Variants in CACNA1H observed in about 807,000 individuals in gnomAD.
CACNA1H encodes the protein calcium voltage-gated channel subunit alpha1 H.
In CACNA1H, 149 loss-of-function variants were observed where a neutral mutation model predicts 192.5. The ratio of observed to expected loss-of-function variants is 0.77; its 90% CI spans 0.68 to 0.89. The LOEUF is 0.89. Ranked by LOEUF, CACNA1H falls within the 40% of genes least tolerant of loss-of-function variation. The probability of loss-of-function intolerance (pLI) is 0.00; values close to 1 mark genes in which losing one functional copy is unlikely to be tolerated. For synonymous variants in CACNA1H, 2,202 were observed against 1,475.2 expected, an observed-to-expected ratio of 1.49 and a Z score of -11.29; for missense variants, 4,257 against 3,423.5, an observed-to-expected ratio of 1.24 and a Z score of -6.08.
At chr16:1,208,943 T>G (rs1375733699) in intron 16 of CACNA1H, 89 bp from the exon 17 acceptor site, 1 of 1,286,148 alleles carries the variant, frequency 7.8e-7, no homozygotes, top group Admixed American at 3.4e-5. Context: ...ATGATCCACG[T>G]GTGGCTTGCA....
rs1365327296 is a variant in CACNA1H at position 1,210,885 on chromosome 16, T to C, written c.4137T>C (p.Ile1379=). The change falls in exon 21 of 35, where the codon ATT becomes ATC. Residue 1379 remains isoleucine (I), a synonymous_variant. Coordinates refer to ENST00000348261, the MANE Select transcript of CACNA1H (RefSeq NM_021098.3). ...GLLVLVSLVD[I]VVAMASAGGA... The stretch of plus-strand genomic sequence containing the variant: ...TGGTGCTGGTGTCCCTGGTGGACAT[T>C]GTCGTGGCCATGGCCTCGGCTGGTG... 2 of 1,605,284 alleles carry C rather than the reference T, an allele frequency of 1.2e-6. No homozygotes were observed. The highest frequency in any genetic ancestry group is 1.3e-5 in the African/African-American group (1 of 74,928).
rs1327918467 is a variant in CACNA1H at position 1,209,336 on chromosome 16, C to T, written c.3668C>T (p.Ala1223Val). 1 of 1,597,936 alleles carries T rather than the reference C, an allele frequency of 6.3e-7. No homozygotes were observed. Among genetic ancestry groups the T allele is most frequent in the Non-Finnish European group, 8.5e-7 (1 of 1,179,430 alleles). Residue 1223 changes from alanine (A) to valine (V), a missense_variant, in exon 17 of 35, where the codon GCC becomes GTC. Transcript: ENST00000348261. ...KCRDRDGQVVALPSDFFLRID... is the reference protein window; with the variant it reads ...KCRDRDGQVVVLPSDFFLRID... ...CGCGATCGCGACGGGCAGGTGGTGG[C>T]CCTGCCCAGCGACTTCTTCCTGCGC...
In CACNA1H at chr16:1,211,063, C is replaced by G. The variant is rs138958081; in HGVS notation, c.4223+92C>G. On this transcript the variant is annotated intron_variant, in intron 21 of 34. Coordinates refer to ENST00000348261, the MANE Select transcript of CACNA1H (RefSeq NM_021098.3). ...ACTCCTCCCGCAGTCCTGGGCTGTT[C>G]GCAGGCCGCCCACTCGGCCCCACCT... is the stretch of plus-strand genomic sequence containing the variant. The G allele has an allele frequency of 4.5e-6, 7 of 1,553,350 alleles. 1 individual carries two copies. In the East Asian group the frequency reaches 9.0e-5, roughly 20 times the overall value.
At chr16:1,164,321 C>T (rs1026724797) in intron 2 of CACNA1H, among the ~76,000 whole-genome samples, 3 of 152,154 alleles carry the variant, frequency 2.0e-5, no homozygotes, top group Non-Finnish European at 4.4e-5. Context: ...TGAACCCTGT[C>T]CTGTACGTAC....
intron 16 of CACNA1H, 113 bp downstream of exon 16, chr16:1,208,334 C>G: frequency 2.7e-6 from 2 of 746,956 alleles, no homozygotes; most frequent in South Asian, 1.6e-5. Context: ...CCCTTGAAGT[C>G]CCAGCCTGTG....
intron 2 of CACNA1H, among the ~76,000 whole-genome samples, chr16:1,173,641 A>C (rs1964585111): frequency 6.6e-6 from 1 of 152,162 alleles, no homozygotes; most frequent in South Asian, 2.1e-4. Context: ...GTTTTGCAAG[A>C]CCCTCTGCCT....
At chr16:1,157,494 C>T (rs1398246356) in intron 2 of CACNA1H, among the ~76,000 whole-genome samples, 4 of 152,142 alleles carry the variant, frequency 2.6e-5, no homozygotes, top group African/African-American at 9.7e-5. Context: ...ACACTCGGCG[C>T]TGGGGCTGTC....
chr16:1,182,559 C>T (rs1222507658), intron 2 of CACNA1H, among the ~76,000 whole-genome samples: 2 of 152,162 alleles, frequency 1.3e-5, no homozygotes, highest in East Asian at 1.9e-4. Context: ...CCCAACTGCC[C>T]GTGTGAGTCA....
intron 5 of CACNA1H, among the ~76,000 whole-genome samples, chr16:1,196,912 G>A (rs896473744): frequency 1.3e-5 from 2 of 152,180 alleles, no homozygotes; most frequent in African/African-American, 4.8e-5. Flanking sequence ...CCAGGCGCGA[G>A]TGCATACTGC....
chr16:1,192,158 A>ACGGTC (rs927258993), intron 2 of CACNA1H, among the ~76,000 whole-genome samples: 1 of 152,172 alleles, frequency 6.6e-6, no homozygotes, highest in Non-Finnish European at 1.5e-5. Flanking sequence ...ACTAAACCAG[A>ACGGTC]CGGTCCGAGA....
intron 2 of CACNA1H, among the ~76,000 whole-genome samples, chr16:1,164,984 G>A (rs1963613005): frequency 6.6e-6 from 1 of 152,182 alleles, no homozygotes; most frequent in Non-Finnish European, 1.5e-5. Flanking sequence ...GTCCAGCATG[G>A]GCTGACCTCA....
intron 2 of CACNA1H, among the ~76,000 whole-genome samples, chr16:1,175,051 A>C (rs2151727323): frequency 6.6e-6 from 1 of 152,018 alleles, no homozygotes; most frequent in African/African-American, 2.4e-5. Context: ...TCCGTGTATC[A>C]GGAGTCCTAC....
At chr16:1,181,826 G>A (rs993430331) in intron 2 of CACNA1H, among the ~76,000 whole-genome samples, 2 of 152,048 alleles carry the variant, frequency 1.3e-5, no homozygotes, top group African/African-American at 2.4e-5. Context: ...GGGTGAGCCC[G>A]GCCCATGCAC....
chr16:1,204,330 A>G lies in CACNA1H; in HGVS notation c.2323A>G (p.Met775Val). 1 of 1,594,320 alleles carries G rather than the reference A, an allele frequency of 6.3e-7. No individual in the cohort carries two copies. The highest frequency in any genetic ancestry group is 8.6e-7 in the Non-Finnish European group (1 of 1,168,940). Reference sequence around the variant, plus strand: ...GGCAGCCCCGGGCGAGCCAGGCTGGATGGGCCGCCTCTGGGTTACCTTCAG... The same window carrying G: ...GGCAGCCCCGGGCGAGCCAGGCTGGGTGGGCCGCCTCTGGGTTACCTTCAG... Reference protein sequence around the residue: ...QRAAPGEPGWMGRLWVTFSGK... With the variant: ...QRAAPGEPGWVGRLWVTFSGK... The change falls in exon 10 of 35, where the codon ATG becomes GTG. Residue 775 changes from methionine to valine, a missense_variant. Transcript: ENST00000348261.
chr16:1,210,353 C>CCCCCCCCCCCCCCCCGG lies in CACNA1H; in HGVS notation c.3846-17_3846-16insCCCCCCCCCCCCCCCGG. On this transcript the variant is annotated splice_polypyrimidine_tract_variant and intron_variant, in intron 18 of 34. Transcript: ENST00000348261. ...ACGCCGCCCCGCCCCACCTCTCACC[C>CCCCCCCCCCCCCCCCGG]GCCCCCGCCCACCCAGGTTCCGCGT... 1 of 1,276,660 alleles carries CCCCCCCCCCCCCCCCGG rather than the reference C, an allele frequency of 7.8e-7. No individual in the cohort carries two copies. The highest frequency in any genetic ancestry group is 1.1e-6 in the Non-Finnish European group (1 of 929,080). The allele number at this position is 1,276,660 out of a possible 1,614,324, so 79.1% of individuals were successfully genotyped here. A position where few individuals can be genotyped will look rare whatever the true frequency, so the allele number is the denominator to read the frequency against.
At chr16:1,206,326 C>T in intron 12 of CACNA1H, 37 bp downstream of exon 12, 2 of 1,531,300 alleles carry the variant, frequency 1.3e-6, no homozygotes, top group Admixed American at 4.0e-5. Flanking sequence ...CCCAGTGTCT[C>T]ACCCCAGGGC....
At chr16:1,210,703 C>A in intron 20 of CACNA1H, 52 bp downstream of exon 20, 1 of 1,581,968 alleles carries the variant, frequency 6.3e-7, no homozygotes, top group Non-Finnish European at 8.5e-7. Flanking sequence ...GTTCTGCCCT[C>A]ATCCCCACCC....
At chr16:1,217,134 T>C in intron 31 of CACNA1H, 124 bp downstream of exon 31, 1 of 770,750 alleles carries the variant, frequency 1.3e-6, no homozygotes, top group South Asian at 1.8e-5. Context: ...GCCACACGCC[T>C]CCTGGGCGTC....
At chr16:1,213,647 C>G (rs1487496453) in intron 26 of CACNA1H, 133 bp from the exon 27 acceptor site, 2 of 598,158 alleles carry the variant, frequency 3.3e-6, no homozygotes, top group Non-Finnish European at 5.6e-6. Context: ...CAGGGCCAGC[C>G]CCATCTTCAC....
Sources: allele counts gnomAD v4.1 joint callset (sites outside exome capture counted in the v4.1 genomes callset), GRCh38; gene constraint gnomAD v4.1.1; transcripts MANE v1.5; gene names NCBI Gene and HGNC (gene_info 2026-07-23, HGNC 2026-07-21).